The following FSIP2 variants were observed in gnomAD, a reference collection of about 807,000 sequenced individuals.
FSIP2 encodes fibrous sheath-interacting protein 2.
In FSIP2, 367 loss-of-function variants were observed where a neutral mutation model predicts 510.5. The ratio of observed to expected loss-of-function variants is 0.72; its 90% CI spans 0.66 to 0.78. The LOEUF (loss-of-function observed/expected upper bound fraction) is 0.78, where lower values mean the gene tolerates loss of function less well. Among genes scored for constraint, FSIP2 ranks in the 30% least tolerant of loss-of-function variants. The probability of loss-of-function intolerance (pLI) is 0.00; values close to 1 mark genes in which losing one functional copy is unlikely to be tolerated. For missense variants in FSIP2, 7,594 were observed against 7,901.7 expected (o/e 0.96, Z 1.48); for synonymous variants, 2,601 against 2,732.2 (o/e 0.95, Z 1.50).
chr2:185,738,682 G>T, upstream of FSIP2: 1 of 1,536,082 alleles, frequency 6.5e-7, no homozygotes, highest in Non-Finnish European at 8.7e-7. Flanking sequence ...GATTTTCCCA[G>T]CTCTGCGGGC....
rs1468483435 is a variant in FSIP2, at chr2:185,800,235, C to A, written c.10929C>A (p.Pro3643=). ...SFSMHRNNSV[P]LCNKINRQAS... ...CTATGCATAGAAATAATAGTGTACC[C>A]CTTTGCAACAAAATCAATAGACAGG... is the stretch of plus-strand genomic sequence containing the variant. Residue 3643 remains proline (P), a synonymous_variant, in exon 17 of 23, where the codon CCC becomes CCA. Transcript: ENST00000424728. 6.5e-7 allele frequency: 1 copy of A among 1,532,724 alleles called. No individual in the cohort carries two copies. The highest frequency in any genetic ancestry group is 2.0e-5 in the Admixed American group (1 of 50,610). The allele number at this position is 1,532,724 out of a possible 1,614,324, so 94.9% of individuals were successfully genotyped here.
At chr2:185,818,956 A>C (rs1395546442) in intron 19 of FSIP2, among the ~76,000 whole-genome samples, 1 of 151,972 alleles carries the variant, frequency 6.6e-6, no homozygotes, top group African/African-American at 2.4e-5. Flanking sequence ...TTTAGCTCAT[A>C]TATCCACTTT....
rs905095032 is a variant in FSIP2 at position 185,801,900 on chromosome 2, A to G, written c.12594A>G (p.Ile4198Met). The part of the protein sequence containing the change: ...AISKHKIWFT[I>M]YDNQYLYTGK... ...CAAAACATAAAATCTGGTTCACTAT[A>G]TATGATAATCAATATCTATATACTG... Residue 4198 changes from isoleucine (I) to methionine (M), a missense_variant, in exon 17 of 23, where the codon ATA becomes ATG. Transcript: ENST00000424728. 37 of 1,498,444 alleles carry G rather than the reference A, an allele frequency of 2.5e-5. 1 individual carries two copies. The Admixed American group carries it at 7.8e-4, about 31-fold the overall frequency. 92.8% of individuals were successfully genotyped at this position (1,498,444 alleles called of 1,614,324 possible).
chr2:185,781,887 G>C (rs1369527505), intron 13 of FSIP2, among the ~76,000 whole-genome samples: 2 of 151,776 alleles, frequency 1.3e-5, no homozygotes, highest in Admixed American at 6.6e-5. Flanking sequence ...ACCCAGGCTG[G>C]AGTGCAGTGG....
intron 13 of FSIP2, among the ~76,000 whole-genome samples, chr2:185,769,072 G>A (rs994511125): frequency 2.0e-5 from 3 of 152,116 alleles, no homozygotes; most frequent in Non-Finnish European, 4.4e-5. Context: ...TTGCTATTGT[G>A]AGTAATGTGC....
At chr2:185,742,952 G>A (rs1179478459) in intron 2 of FSIP2, among the ~76,000 whole-genome samples, 181 bp from the exon 3 acceptor site, 4 of 152,140 alleles carry the variant, frequency 2.6e-5, no homozygotes, top group Non-Finnish European at 4.4e-5. Context: ...ATTTATGCAG[G>A]TGAGGAGAGA....
intron 8 of FSIP2, among the ~76,000 whole-genome samples, chr2:185,755,249 T>C (rs769362578): frequency 6.6e-5 from 10 of 151,562 alleles, no homozygotes; most frequent in Non-Finnish European, 1.3e-4. Context: ...AACTCCCACC[T>C]TTGTATTCAA....
chr2:185,755,598 C>G (rs1341288884), intron 8 of FSIP2, among the ~76,000 whole-genome samples: 2 of 151,446 alleles, frequency 1.3e-5, no homozygotes, highest in African/African-American at 4.8e-5. Context: ...AACAAGTAAA[C>G]AACTTCTAGT....
upstream of FSIP2, chr2:185,738,745 C>T (rs1233700643): frequency 6.5e-7 from 1 of 1,535,996 alleles, no homozygotes; most frequent in East Asian, 2.4e-5. Context: ...CCTTCTGGGG[C>T]CGCTACCATT....
chr2:185,769,418 A>G (rs1443778646), intron 13 of FSIP2, among the ~76,000 whole-genome samples: 3 of 152,070 alleles, frequency 2.0e-5, no homozygotes, highest in Non-Finnish European at 4.4e-5. Flanking sequence ...TGCTGACTGC[A>G]TGTTTATCTT....
chr2:185,743,133 CT>C lies in FSIP2; in HGVS notation c.231del (p.Arg78AspfsTer8). ...CATATTTTTGAATCTGTGTTTGCAGCTTTTTCGACCTTCTTATGGTTTTAAC... is the reference window on the plus strand; with the variant it reads ...CATATTTTTGAATCTGTGTTTGCAGCTTTTCGACCTTCTTATGGTTTTAAC... Reference protein sequence around the residue: ...VFYTTNFGEKLFRPSYGFNLT... With the variant: ...VFYTTNFGEKXFRPSYGFNLT... On this transcript the variant is annotated frameshift_variant and splice_region_variant, in exon 3 of 23. Coordinates refer to ENST00000424728, the MANE Select transcript of FSIP2 (RefSeq NM_173651.4). LOFTEE classifies it high-confidence loss of function. The C allele has an allele frequency of 2.1e-6, 3 of 1,461,786 alleles. No individual in the cohort carries two copies. The highest frequency in any genetic ancestry group is 1.8e-6 in the Non-Finnish European group (2 of 1,116,418). 90.6% of individuals were successfully genotyped at this position (1,461,786 alleles called of 1,614,324 possible).
intron 19 of FSIP2, among the ~76,000 whole-genome samples, chr2:185,822,262 G>A (rs1693936558): frequency 6.6e-6 from 1 of 151,850 alleles, no homozygotes; most frequent in South Asian, 2.1e-4. Flanking sequence ...CATTCTAATT[G>A]GATGAGTAGA....
Position 185,800,352 on chromosome 2 carries a change from C to A in FSIP2, c.11046C>A (p.Ser3682Arg). The change falls in exon 17 of 23, where the codon AGC becomes AGA. Residue 3682 changes from serine to arginine, a missense_variant. Transcript: ENST00000424728. ...KLSYLACKLN[S>R]LVGNLKTSES... is the part of the protein sequence containing the mutation. ...GTTATCTTGCATGTAAGTTAAACAG[C>A]CTGGTTGGTAACCTAAAAACAAGTG... 6.5e-7 allele frequency: 1 copy of A among 1,530,408 alleles called. No individual in the cohort carries two copies. The highest frequency in any genetic ancestry group is 8.7e-7 in the Non-Finnish European group (1 of 1,144,516). The allele number at this position is 1,530,408 out of a possible 1,614,324, so 94.8% of individuals were successfully genotyped here. A position where few individuals can be genotyped will look rare whatever the true frequency, so the allele number is the denominator to read the frequency against.
intron 17 of FSIP2, 62 bp downstream of exon 17, chr2:185,809,195 T>G: frequency 6.7e-7 from 1 of 1,493,192 alleles, no homozygotes; most frequent in Non-Finnish European, 8.9e-7. Context: ...TTCTGTGATT[T>G]CCTTCCTCAA....
chr2:185,737,386 A>G (rs973894274), upstream of FSIP2, among the ~76,000 whole-genome samples: 1 of 152,192 alleles, frequency 6.6e-6, no homozygotes, highest in African/African-American at 2.4e-5. Context: ...ATCAAAGATC[A>G]AATTGATACA....
chr2:185,778,918 G>A (rs1031116337), intron 13 of FSIP2, among the ~76,000 whole-genome samples: 2 of 151,942 alleles, frequency 1.3e-5, no homozygotes, highest in Non-Finnish European at 2.9e-5. Context: ...TTTTGATCTA[G>A]TGATTAGACC....
intron 13 of FSIP2, among the ~76,000 whole-genome samples, chr2:185,780,639 T>A (rs1455492605): frequency 6.6e-6 from 1 of 151,998 alleles, no homozygotes; most frequent in African/African-American, 2.4e-5. Context: ...ATATTTGAAA[T>A]CTTTGAGGTC....
Position 185,794,323 on chromosome 2 carries a change from T to G in FSIP2, c.7187T>G (p.Met2396Arg). The G allele has an allele frequency of 1.3e-6, 2 of 1,518,290 alleles. No individual in the cohort carries two copies. Among genetic ancestry groups the G allele is most frequent in the Non-Finnish European group, 1.8e-6 (2 of 1,139,388 alleles). 94.1% of individuals were successfully genotyped at this position (1,518,290 alleles called of 1,614,324 possible). A position where few individuals can be genotyped will look rare whatever the true frequency, so the allele number is the denominator to read the frequency against. ...NIIVSEIVDS[M>R]LKMLDDKRSV... is the part of the protein sequence containing the mutation. ...ATTGTGAGTGAAATTGTTGACAGTATGTTAAAGATGTTAGATGATAAAAGA... is the reference window on the plus strand; with the variant it reads ...ATTGTGAGTGAAATTGTTGACAGTAGGTTAAAGATGTTAGATGATAAAAGA... Residue 2396 changes from methionine to arginine, a missense_variant, in exon 16 of 23, where the codon ATG (methionine) becomes AGG (arginine). By Grantham distance (91) the Met-to-Arg change is moderately conservative. Transcript: ENST00000424728.
chr2:185,803,713 T>C lies in FSIP2; in HGVS notation c.14407T>C (p.Ser4803Pro). 3 of 1,532,916 alleles carry C rather than the reference T, an allele frequency of 2.0e-6. No individual in the cohort carries two copies. The highest frequency in any genetic ancestry group is 1.2e-5 in the South Asian group (1 of 83,944). 95.0% of individuals were successfully genotyped at this position (1,532,916 alleles called of 1,614,324 possible). ...GGAAAAAATAGTTACTCAGCTTACATCTCAGATAAGTCCATTGAACACCAG... is the reference window on the plus strand; with the variant it reads ...GGAAAAAATAGTTACTCAGCTTACACCTCAGATAAGTCCATTGAACACCAG... ...HLEKIVTQLTSQISPLNTSAE... is the reference protein window; with the variant it reads ...HLEKIVTQLTPQISPLNTSAE... Residue 4803 changes from serine (S) to proline (P), a missense_variant, in exon 17 of 23, where the codon TCT (serine) becomes CCT (proline). By Grantham distance (74) the Ser-to-Pro change is moderately conservative. Coordinates refer to ENST00000424728, the MANE Select transcript of FSIP2 (RefSeq NM_173651.4).
Sources: gnomAD v4.1 joint callset for allele counts (sites outside exome capture counted in the v4.1 genomes callset) on GRCh38, gnomAD v4.1.1 for gene constraint, MANE v1.5 for transcripts, NCBI Gene and HGNC (gene_info 2026-07-23, HGNC 2026-07-21) for gene names.